Variants in RBL1 observed in about 807,000 individuals in gnomAD.
The protein encoded by RBL1 is retinoblastoma-like protein 1.
In RBL1, 82 loss-of-function variants were observed where a neutral mutation model predicts 123.0. The ratio of observed to expected loss-of-function variants is 0.67; its 90% CI spans 0.56 to 0.80. The LOEUF is 0.80. Ranked by LOEUF, RBL1 falls within the 30% of genes least tolerant of loss-of-function variation. The pLI, the probability that RBL1 is intolerant of heterozygous loss-of-function variation, is 0.00. For missense variants in RBL1, 1,171 were observed against 1,299.6 expected (o/e 0.90, Z 1.52); for synonymous variants, 405 against 441.3 (o/e 0.92, Z 1.03).
At chr20:37,038,128 A>C (rs566063754) in intron 14 of RBL1, among the ~76,000 whole-genome samples, 3 of 149,206 alleles carry the variant, frequency 2.0e-5, no homozygotes, top group Non-Finnish European at 4.4e-5. Context: ...AGCAGCTGGG[A>C]TTACAGGTGT....
intron 14 of RBL1, among the ~76,000 whole-genome samples, chr20:37,037,050 C>T (rs2064627319): frequency 6.6e-6 from 1 of 152,190 alleles, no homozygotes; most frequent in Non-Finnish European, 1.5e-5. Context: ...CTCCGTAATT[C>T]TTGGGCTTAT....
intron 1 of RBL1, among the ~76,000 whole-genome samples, chr20:37,095,482 G>A (rs1345966221): frequency 6.6e-6 from 1 of 152,220 alleles, no homozygotes. Flanking sequence ...TTTAAGGGCA[G>A]CACCATGACT....
chr20:37,066,146 C>T (rs941017557), intron 6 of RBL1, among the ~76,000 whole-genome samples: 3 of 152,202 alleles, frequency 2.0e-5, no homozygotes, highest in Non-Finnish European at 4.4e-5. Flanking sequence ...GGCTTAACTA[C>T]ATTTAATGGC....
intron 21 of RBL1, among the ~76,000 whole-genome samples, chr20:37,002,630 T>G (rs1367925120): frequency 6.6e-6 from 1 of 151,808 alleles, no homozygotes; most frequent in African/African-American, 2.4e-5. Flanking sequence ...TGAGCCACCG[T>G]GCCCGGCCCT....
intron 2 of RBL1, among the ~76,000 whole-genome samples, chr20:37,087,282 T>C (rs4038563): frequency 1 from 151,656 of 152,004 alleles, 75,654 homozygotes; most frequent in Non-Finnish European, 1. Flanking sequence ...TTGCAACGAG[T>C]CCAGATTGCA....
chr20:37,088,956 T>G, intron 2 of RBL1, 33 bp downstream of exon 2: 1 of 1,437,830 alleles, frequency 7.0e-7, no homozygotes, highest in Non-Finnish European at 9.2e-7. Context: ...ATTTAGAGCT[T>G]ATATAACATT....
intron 19 of RBL1, 93 bp from the exon 20 acceptor site, chr20:37,007,652 G>T (rs2064095944): frequency 1.5e-6 from 2 of 1,304,184 alleles, no homozygotes; most frequent in Non-Finnish European, 2.1e-6. Context: ...GAGTGCAGTG[G>T]TGCAATCTTG....
chr20:37,003,748 G>T lies in RBL1; in HGVS notation c.2990C>A (p.Thr997Lys), dbSNP rs759365147. The change falls in exon 21 of 22, where the codon ACA (threonine) becomes AAA (lysine). Residue 997 changes from threonine to lysine, a missense_variant. Thr to Lys is a moderately conservative substitution (Grantham distance 78). Coordinates refer to ENST00000373664, the MANE Select transcript of RBL1 (RefSeq NM_002895.5). ...ISPHKNGSGL[T>K]PRSALLYKFN... ...CTTGTACAGCAGAGCGCTTCTTGGT[G>T]TAAGGCCTGACCCATTCTTGTGCGG... The T allele has an allele frequency of 5.0e-6, 8 of 1,613,800 alleles. No homozygotes were observed. The highest frequency in any genetic ancestry group is 8.5e-7 in the Non-Finnish European group (1 of 1,179,914).
At position 37,061,095 on chromosome 20, in the gene RBL1, G is replaced by A. The variant is rs774599511; in HGVS notation, c.1250+8C>T. ...AGACATTTGGAAAAATAACAGTATT[G>A]TACATACTCAAAAATATTTATAAGT... is the stretch of plus-strand genomic sequence containing the variant. On this transcript the variant is annotated splice_region_variant and intron_variant, in intron 9 of 21. Transcript: ENST00000373664. The A allele has an allele frequency of 1.3e-6, 2 of 1,596,130 alleles. No individual in the cohort carries two copies. Among genetic ancestry groups the A allele is most frequent in the Non-Finnish European group, 1.7e-6 (2 of 1,169,256 alleles).
chr20:37,050,087 G>A (rs1340340610), intron 11 of RBL1, among the ~76,000 whole-genome samples: 3 of 150,188 alleles, frequency 2.0e-5, no homozygotes, highest in Non-Finnish European at 4.4e-5. Context: ...GAGAGAGAGA[G>A]AAAAAAAATG....
Position 37,067,233 on chromosome 20 carries a change from C to T in RBL1, c.556G>A (p.Gly186Ser). Residue 186 changes from glycine to serine, a missense_variant and splice_region_variant, in exon 4 of 22, where the codon GGT (glycine) becomes AGT (serine). Physicochemically the swap from Gly to Ser is moderately conservative, Grantham distance 56. Coordinates refer to ENST00000373664, the MANE Select transcript of RBL1 (RefSeq NM_002895.5). ...FCWTLFVYTKGNFRMIGDDLV... is the reference protein window; with the variant it reads ...FCWTLFVYTKSNFRMIGDDLV... ...AAGACCACTGAAAGTGTCATCTTACCCTTAGTATAAACAAAAAGTGTCCAA... is the reference window on the plus strand; with the variant it reads ...AAGACCACTGAAAGTGTCATCTTACTCTTAGTATAAACAAAAAGTGTCCAA... 2 of 1,603,874 alleles carry T rather than the reference C, an allele frequency of 1.2e-6. No individual in the cohort carries two copies. Among genetic ancestry groups the T allele is most frequent in the South Asian group, 1.1e-5 (1 of 88,304 alleles).
At chr20:37,040,351 T>G (rs1360896357) in intron 13 of RBL1, 66 bp from the exon 14 acceptor site, 2 of 1,567,302 alleles carry the variant, frequency 1.3e-6, no homozygotes, top group Admixed American at 3.9e-5. Flanking sequence ...TTATTAAAAA[T>G]GTTTTCTTTT....
At chr20:37,058,140 CA>C (rs796895938) in intron 9 of RBL1, among the ~76,000 whole-genome samples, 18,127 of 76,018 alleles carry the variant, frequency 0.24, 1,566 homozygotes, top group African/African-American at 0.4. Flanking sequence ...CAAAACAAAA[CA>C]AAAAAAAAAA....
chr20:37,054,835 A>T (rs1282832318), intron 11 of RBL1, among the ~76,000 whole-genome samples: 4 of 152,218 alleles, frequency 2.6e-5, no homozygotes, highest in Non-Finnish European at 4.4e-5. Context: ...GTCTAAAAAA[A>T]AAAAAATTTA....
chr20:37,014,651 T>C (rs1052343728), intron 19 of RBL1, among the ~76,000 whole-genome samples: 4 of 151,500 alleles, frequency 2.6e-5, no homozygotes, highest in African/African-American at 4.9e-5. Flanking sequence ...ATATAAAAAT[T>C]AGCCAGGACG....
At chr20:37,067,176 C>A in intron 4 of RBL1, 55 bp from the exon 5 acceptor site, 1 of 1,567,626 alleles carries the variant, frequency 6.4e-7, no homozygotes, top group South Asian at 1.2e-5. Context: ...CCTCTCATGT[C>A]AAATAGCACC....
At chr20:37,060,045 G>A (rs892886221) in intron 9 of RBL1, among the ~76,000 whole-genome samples, 8 of 151,962 alleles carry the variant, frequency 5.3e-5, no homozygotes, top group South Asian at 2.1e-4. Flanking sequence ...GGTGGCGCAC[G>A]CCTGTAATCC....
At position 37,022,655 on chromosome 20, in the gene RBL1, C is replaced by T. The variant is rs1464426260; in HGVS notation, c.2554G>A (p.Ala852Thr). 3.7e-6 allele frequency: 6 copies of T among 1,607,276 alleles called. No individual in the cohort carries two copies. Among genetic ancestry groups the T allele is most frequent in the Non-Finnish European group, 5.1e-6 (6 of 1,176,414 alleles). Reference sequence around the variant, plus strand: ...TCTCCCAATTTATACATTACCTTTGCCATGATATAAAAGGCACAAAGGAGG... The same window carrying T: ...TCTCCCAATTTATACATTACCTTTGTCATGATATAAAAGGCACAAAGGAGG... ...QLLLCAFYIM[A>T]KVTKEERTFQ... is the part of the protein sequence containing the mutation. The change falls in exon 17 of 22, where the codon GCA becomes ACA. Residue 852 changes from alanine (A) to threonine (T), a missense_variant. Coordinates refer to ENST00000373664, the MANE Select transcript of RBL1 (RefSeq NM_002895.5).
intron 1 of RBL1, among the ~76,000 whole-genome samples, chr20:37,090,396 T>C (rs1316655501): frequency 6.6e-6 from 1 of 152,260 alleles, no homozygotes; most frequent in Non-Finnish European, 1.5e-5. Flanking sequence ...TTTGTCAGCA[T>C]GACTTTCTTG....
Sources: allele counts gnomAD v4.1 joint callset (sites outside exome capture counted in the v4.1 genomes callset), GRCh38; gene constraint gnomAD v4.1.1; transcripts MANE v1.5; gene names NCBI Gene and HGNC (gene_info 2026-07-23, HGNC 2026-07-21).